Variants in OLFM3 observed in about 807,000 individuals in gnomAD.
OLFM3 encodes the protein olfactomedin 3.
OLFM3 carries 20 observed loss-of-function variants against 48.6 expected under a neutral mutation model. The observed-to-expected ratio is 0.41, with a 90% CI of 0.29 to 0.60. The LOEUF is 0.60. Among genes scored for constraint, OLFM3 ranks in the 20% least tolerant of loss-of-function variants. The probability of loss-of-function intolerance (pLI) is 0.28; values close to 1 mark genes in which losing one functional copy is unlikely to be tolerated. For synonymous variants in OLFM3, 222 were observed against 198.1 expected (o/e 1.12, Z -1.01); for missense variants, 437 against 544.3 (o/e 0.80, Z 1.96).
At chr1:101,930,346 T>G (rs1329971629) in intron 1 of OLFM3, among the ~76,000 whole-genome samples, 1 of 152,204 alleles carries the variant, frequency 6.6e-6, no homozygotes, top group African/African-American at 2.4e-5. Context: ...CAAAATACTC[T>G]GTGAGTTTTT....
chr1:101,805,583 A>G (rs1653731433), intron 5 of OLFM3, among the ~76,000 whole-genome samples: 1 of 151,822 alleles, frequency 6.6e-6, no homozygotes, highest in African/African-American at 2.4e-5. Context: ...AATACCTCCC[A>G]GAAGTTTCAG....
At chr1:101,893,383 A>G (rs1354501517) in intron 1 of OLFM3, 1 of 384,426 alleles carries the variant, frequency 2.6e-6, no homozygotes, top group African/African-American at 2.1e-5. Context: ...GCCATGGGGA[A>G]CAGATCAGTC....
chr1:101,993,953 G>GAAA (rs11394644), intron 1 of OLFM3, among the ~76,000 whole-genome samples: 1 of 115,368 alleles, frequency 8.7e-6, no homozygotes, highest in Non-Finnish European at 1.9e-5. Context: ...TTCAGCGACA[G>GAAA]AAAAAAAAAA....
intron 4 of OLFM3, among the ~76,000 whole-genome samples, chr1:101,814,872 A>G (rs1570509521): frequency 6.6e-6 from 1 of 152,240 alleles, no homozygotes; most frequent in Non-Finnish European, 1.5e-5. Context: ...AATAGCTATT[A>G]TTATTGTTAT....
rs537338419 is a variant in OLFM3, at chr1:101,845,802, C to T, written c.70-8777G>A. Among the ~76,000 whole-genome samples the T allele has an allele frequency of 2.6e-5, 4 of 152,302 alleles. No homozygotes were observed. The East Asian group carries it at 7.7e-4, about 29-fold the overall frequency. ...GTATGTGCTCTGCTGGTGCCTTAAG[C>T]ACTGGGAGAATCTGGAAAATTATTT... On this transcript the variant is annotated intron_variant, in intron 1 of 5. Transcript: ENST00000370103.
At chr1:101,831,918 T>C (rs1655171252) in intron 2 of OLFM3, among the ~76,000 whole-genome samples, 1 of 152,240 alleles carries the variant, frequency 6.6e-6, no homozygotes, top group Non-Finnish European at 1.5e-5. Flanking sequence ...TGCTGTTTTT[T>C]GTGAGACGGA....
chr1:101,863,163 T>C (rs945808357), intron 1 of OLFM3, among the ~76,000 whole-genome samples: 2 of 152,162 alleles, frequency 1.3e-5, no homozygotes, highest in Non-Finnish European at 2.9e-5. Flanking sequence ...GGTTTCACCA[T>C]GTGGGCCGTG....
chr1:101,962,419 C>T (rs1348535044), intron 1 of OLFM3, among the ~76,000 whole-genome samples: 1 of 152,034 alleles, frequency 6.6e-6, no homozygotes, highest in Non-Finnish European at 1.5e-5. Flanking sequence ...AAAAAAATCA[C>T]CTATGATATT....
intron 1 of OLFM3, among the ~76,000 whole-genome samples, chr1:101,856,534 GA>G (rs1208995644): frequency 6.6e-6 from 1 of 151,810 alleles, no homozygotes; most frequent in African/African-American, 2.4e-5. Flanking sequence ...ATAAGTAAAG[GA>G]AAAAAATGTT....
rs190643323 is a variant in OLFM3 at position 101,824,888 on chromosome 1, G to A, written c.592+138C>T. 1.9e-4 allele frequency: 135 copies of A among 705,224 alleles called. No individual in the cohort carries two copies. In the African/African-American group the frequency reaches 2.2e-3, roughly 12 times the overall value. The allele number at this position is 705,224 out of a possible 1,614,324, so 43.7% of individuals were successfully genotyped here. A position where few individuals can be genotyped will look rare whatever the true frequency, so the allele number is the denominator to read the frequency against. ...ACCCAGACATGCTTAAGTCATTAGG[G>A]GACACTTCACACTTAGAAAATGGGC... On this transcript the variant is annotated intron_variant, in intron 4 of 5. Transcript: ENST00000370103.
intron 1 of OLFM3, among the ~76,000 whole-genome samples, chr1:101,928,115 A>G (rs1659330397): frequency 6.6e-6 from 1 of 152,138 alleles, no homozygotes; most frequent in Admixed American, 6.6e-5. Context: ...AAAACATTAA[A>G]GAAGCTGCCG....
intron 3 of OLFM3, among the ~76,000 whole-genome samples, chr1:101,830,149 T>A (rs1180767253): frequency 6.6e-6 from 1 of 152,178 alleles, no homozygotes; most frequent in Non-Finnish European, 1.5e-5. Flanking sequence ...AGTTTTTTCT[T>A]AAAATTCATA....
chr1:101,923,044 A>C (rs1659149841), intron 1 of OLFM3, among the ~76,000 whole-genome samples: 1 of 152,206 alleles, frequency 6.6e-6, no homozygotes, highest in Non-Finnish European at 1.5e-5. Flanking sequence ...TCTGAGTGTT[A>C]TCCAGGCAGT....
intron 1 of OLFM3, among the ~76,000 whole-genome samples, chr1:101,926,485 A>T (rs985499751): frequency 6.6e-6 from 1 of 152,226 alleles, no homozygotes; most frequent in Non-Finnish European, 1.5e-5. Flanking sequence ...GTTTTAAGAC[A>T]GAAGTCTTTA....
chr1:101,903,621 T>C (rs1050364807), intron 1 of OLFM3, among the ~76,000 whole-genome samples: 3 of 152,104 alleles, frequency 2.0e-5, no homozygotes, highest in Admixed American at 2.0e-4. Flanking sequence ...ATACTTTGTT[T>C]ATGATTAGTG....
At chr1:101,844,888 T>C (rs1655912357) in intron 1 of OLFM3, among the ~76,000 whole-genome samples, 1 of 152,216 alleles carries the variant, frequency 6.6e-6, no homozygotes, top group African/African-American at 2.4e-5. Context: ...CCTTTCCACC[T>C]TTCTAGCATT....
intron 1 of OLFM3, among the ~76,000 whole-genome samples, chr1:101,943,673 T>C (rs892508939): frequency 6.6e-6 from 1 of 152,230 alleles, no homozygotes; most frequent in Non-Finnish European, 1.5e-5. Context: ...TTTGCCAATA[T>C]ATTAATTATC....
chr1:101,952,803 C>CT (rs896409831), intron 1 of OLFM3, among the ~76,000 whole-genome samples: 5 of 151,666 alleles, frequency 3.3e-5, no homozygotes, highest in Non-Finnish European at 5.9e-5. Context: ...CCTGAGCTAT[C>CT]TTTTTTAAAA....
At chr1:101,870,338 C>T (rs1657030044) in intron 1 of OLFM3, among the ~76,000 whole-genome samples, 1 of 152,086 alleles carries the variant, frequency 6.6e-6, no homozygotes, top group African/African-American at 2.4e-5. Flanking sequence ...TCATAATGTT[C>T]CCAGACAGTT....
Sources: allele counts gnomAD v4.1 joint callset (sites outside exome capture counted in the v4.1 genomes callset), GRCh38; gene constraint gnomAD v4.1.1; transcripts MANE v1.5; gene names NCBI Gene and HGNC (gene_info 2026-07-23, HGNC 2026-07-21).